The following CEP85 variants were observed in gnomAD, a reference collection of about 807,000 sequenced individuals.
CEP85 encodes the protein centrosomal protein of 85 kDa.
In CEP85, 58 loss-of-function variants were observed where a neutral mutation model predicts 93.7. The ratio of observed to expected loss-of-function variants is 0.62; its 90% CI spans 0.50 to 0.77. The LOEUF (loss-of-function observed/expected upper bound fraction) is 0.77. Ranked by LOEUF, CEP85 falls within the 30% of genes least tolerant of loss-of-function variation. The pLI, the probability that CEP85 is intolerant of heterozygous loss-of-function variation, is 0.00. For synonymous variants in CEP85, 314 were observed against 338.6 expected, an observed-to-expected ratio of 0.93 and a Z score of 0.80; for missense variants, 868 against 922.0, an observed-to-expected ratio of 0.94 and a Z score of 0.76.
At position 26,255,559 on chromosome 1, in the gene CEP85, A is replaced by G; in HGVS notation, c.597A>G (p.Ser199=). ...CGGCAATGATGGAGACACTTTATTC[A>G]GATCCTCACCACCGAGTCCGCTTCC... ...NQSAMMETLY[S]DPHHRVRFHN... The change falls in exon 4 of 14, where the codon TCA becomes TCG. Residue 199 remains serine (S), a synonymous_variant. Coordinates refer to ENST00000451429, the MANE Select transcript of CEP85 (RefSeq NM_001319944.2). The G allele has an allele frequency of 1.2e-6, 2 of 1,614,176 alleles. No homozygotes were observed. Among genetic ancestry groups the G allele is most frequent in the East Asian group, 2.2e-5 (1 of 44,884 alleles).
intron 3 of CEP85, among the ~76,000 whole-genome samples, chr1:26,251,512 A>G (rs1225247095): frequency 6.6e-6 from 1 of 151,932 alleles, no homozygotes; most frequent in East Asian, 1.9e-4. Context: ...CAGCCTCCCA[A>G]AGTGCTGGGA....
Position 26,255,192 on chromosome 1 carries a change from GTCC to G in CEP85, c.235_237del (p.Pro79del). On this transcript the variant is annotated inframe_deletion, in exon 4 of 14. Transcript: ENST00000451429. ...CCAGATTTTTGCAGCTCAAGTGGCA[GTCC>G]TCCTTTCCAGCCCATCAAAAGCCAC... 6.2e-7 allele frequency: 1 copy of G among 1,613,644 alleles called. No homozygotes were observed.
At chr1:26,261,499 T>C (rs1416181510) in intron 7 of CEP85, among the ~76,000 whole-genome samples, 3 of 152,066 alleles carry the variant, frequency 2.0e-5, no homozygotes, top group Non-Finnish European at 4.4e-5. Flanking sequence ...GTTGGGTTAG[T>C]GAGTTTAAAA....
chr1:26,236,023 G>A (rs72888538), intron 1 of CEP85, among the ~76,000 whole-genome samples: 9 of 152,332 alleles, frequency 5.9e-5, no homozygotes, highest in African/African-American at 1.9e-4. Context: ...ATTGAGGCTT[G>A]CAGCTCTAGC....
At chr1:26,235,564 A>ATTTTTTTTTTTTTTTTTTT (rs1185542130) in intron 1 of CEP85, among the ~76,000 whole-genome samples, 2 of 69,550 alleles carry the variant, frequency 2.9e-5, no homozygotes, top group African/African-American at 1.2e-4. Context: ...TTAGATTGTA[A>ATTTTTTTTTTTTTTTTTTT]TTCTTTTTTT....
chr1:26,239,714 A>T, intron 1 of CEP85, 48 bp from the exon 2 acceptor site: 1 of 1,123,868 alleles, frequency 8.9e-7, no homozygotes, highest in Non-Finnish European at 1.4e-6. Context: ...AGTTGCGGGG[A>T]ATTAAAGATA....
At chr1:26,275,336 A>C (rs1350080632) in intron 12 of CEP85, among the ~76,000 whole-genome samples, 4 of 149,570 alleles carry the variant, frequency 2.7e-5, no homozygotes. Flanking sequence ...GCTAGAGTGC[A>C]GTGGCGCAAT....
intron 3 of CEP85, among the ~76,000 whole-genome samples, chr1:26,251,344 C>T (rs1340383512): frequency 2.7e-5 from 4 of 150,786 alleles, no homozygotes; most frequent in Non-Finnish European, 4.4e-5. Flanking sequence ...GTCTGCCTCC[C>T]GGTTTCAGGC....
chr1:26,235,239 A>C (rs1291440841), intron 1 of CEP85, among the ~76,000 whole-genome samples: 1 of 152,228 alleles, frequency 6.6e-6, no homozygotes, highest in Non-Finnish European at 1.5e-5. Flanking sequence ...TGAATTGAAC[A>C]CTGGGATAAG....
chr1:26,238,264 G>A (rs1466875418), intron 1 of CEP85, among the ~76,000 whole-genome samples: 4 of 118,504 alleles, frequency 3.4e-5, no homozygotes, highest in Non-Finnish European at 4.9e-5. Flanking sequence ...GCAATGGCGC[G>A]ATCTTGGCTC....
At chr1:26,270,681 T>C (rs2089960714) in intron 9 of CEP85, among the ~76,000 whole-genome samples, 1 of 152,232 alleles carries the variant, frequency 6.6e-6, no homozygotes, top group African/African-American at 2.4e-5. Context: ...TTTTGTATTT[T>C]CCAAACTTTC....
intron 1 of CEP85, among the ~76,000 whole-genome samples, chr1:26,239,398 C>T (rs894209294): frequency 6.6e-6 from 1 of 152,164 alleles, no homozygotes; most frequent in Non-Finnish European, 1.5e-5. Context: ...GTTGCCCAGG[C>T]TGGAGTGCAG....
intron 1 of CEP85, among the ~76,000 whole-genome samples, chr1:26,234,899 T>C (rs1290370600): frequency 1.3e-5 from 2 of 152,144 alleles, no homozygotes; most frequent in Non-Finnish European, 2.9e-5. Flanking sequence ...GAAACACTTT[T>C]GATAGTCACA....
chr1:26,247,491 C>T (rs1485842838), intron 3 of CEP85, among the ~76,000 whole-genome samples: 1 of 151,650 alleles, frequency 6.6e-6, no homozygotes, highest in Non-Finnish European at 1.5e-5. Context: ...CCAGCTGCTC[C>T]CAAGGCTGAG....
At position 26,250,925 on chromosome 1, in the gene CEP85, C is replaced by CTTTTTTTT. The variant is rs71581048; in HGVS notation, c.209-4240_209-4239insTTTTTTTT. Among the ~76,000 whole-genome samples, 69 of 55,130 alleles carry CTTTTTTTT rather than the reference C, an allele frequency of 1.3e-3. 9 individuals carry two copies. Among genetic ancestry groups the CTTTTTTTT allele is most frequent in the East Asian group, 5.3e-3 (9 of 1,712 alleles). The allele number at this position is 55,130 out of a possible 152,430, so 36.2% of individuals were successfully genotyped here. On this transcript the variant is annotated intron_variant, in intron 3 of 13. Coordinates refer to ENST00000451429, the MANE Select transcript of CEP85 (RefSeq NM_001319944.2). ...TGAGCCAAGCTTGCCTTTTTTTTTT[C>CTTTTTTTT]TTTTTTCTTTTTTTTTTTTTTTTTT...
chr1:26,276,829 T>C, intron 13 of CEP85, 69 bp downstream of exon 13: 2 of 1,220,140 alleles, frequency 1.6e-6, no homozygotes, highest in Non-Finnish European at 2.4e-6. Context: ...CCCATCCTGC[T>C]TTCCCATATT....
In CEP85 at chr1:26,255,649, G is replaced by T. The variant is rs373280524; in HGVS notation, c.687G>T (p.Pro229=). 2 of 1,613,894 alleles carry T rather than the reference G, an allele frequency of 1.2e-6. No individual in the cohort carries two copies. Among genetic ancestry groups the T allele is most frequent in the African/African-American group, 2.7e-5 (2 of 74,878 alleles). The change falls in exon 4 of 14, where the codon CCG becomes CCT. Residue 229 remains proline (P), a synonymous_variant. Coordinates refer to ENST00000451429, the MANE Select transcript of CEP85 (RefSeq NM_001319944.2). The part of the protein sequence containing the change: ...YRVLPEAKKA[P]GSGAVFERNG... ...TGTTGCCTGAGGCCAAGAAGGCACC[G>T]GGCAGCGGGGCAGTGTTTGAGCGGA...
Position 26,274,974 on chromosome 1 carries a change from A to G in CEP85, c.1805A>G (p.Gln602Arg). The change falls in exon 12 of 14, where the codon CAG becomes CGG. Residue 602 changes from glutamine to arginine, a missense_variant. Transcript: ENST00000451429. ...TGCTGTGTGATTCAGAGCCTAGAGC[A>G]GGAAGTGGCTCAAGAAGAAGGAACA... ...QLRSQVQSLE[Q>R]EVAQEEGTSQ... is the part of the protein sequence containing the mutation. 1 of 1,571,684 alleles carries G rather than the reference A, an allele frequency of 6.4e-7. No individual in the cohort carries two copies. Among genetic ancestry groups the G allele is most frequent in the Non-Finnish European group, 8.6e-7 (1 of 1,158,212 alleles).
chr1:26,234,664 G>A (rs906831583), intron 1 of CEP85, among the ~76,000 whole-genome samples: 1 of 152,238 alleles, frequency 6.6e-6, no homozygotes, highest in South Asian at 2.1e-4. Flanking sequence ...CCCTCGGCGC[G>A]CAGTGAGGGT....
Sources: allele counts gnomAD v4.1 joint callset (sites outside exome capture counted in the v4.1 genomes callset), GRCh38; gene constraint gnomAD v4.1.1; transcripts MANE v1.5; gene names NCBI Gene and HGNC (gene_info 2026-07-23, HGNC 2026-07-21).